Variants in PRKG1 observed in about 807,000 individuals in gnomAD.
PRKG1 encodes protein kinase cGMP-dependent 1.
In PRKG1, 35 loss-of-function variants were observed where a neutral mutation model predicts 88.1. That is an observed-to-expected ratio of 0.40 (90% CI 0.30 to 0.53). The LOEUF (loss-of-function observed/expected upper bound fraction) is 0.53. Ranked by LOEUF, PRKG1 falls within the 20% of genes least tolerant of loss-of-function variation. The pLI is 0.59. For missense variants in PRKG1, 540 were observed against 839.8 expected (o/e 0.64, Z 4.41); for synonymous variants, 303 against 292.5 (o/e 1.04, Z -0.37).
At chr10:51,691,372 A>ATCCC (rs1176143499) in intron 3 of PRKG1, among the ~76,000 whole-genome samples, 1 of 148,472 alleles carries the variant, frequency 6.7e-6, no homozygotes, top group African/African-American at 2.5e-5. Context: ...CAGTGGCGAG[A>ATCCC]TCCCGGCTCA....
At chr10:51,394,554 A>G (rs924097214) in intron 2 of PRKG1, among the ~76,000 whole-genome samples, 1 of 152,214 alleles carries the variant, frequency 6.6e-6, no homozygotes, top group African/African-American at 2.4e-5. Context: ...CCAACTCCCA[A>G]TGGAGAGAGT....
intron 12 of PRKG1, among the ~76,000 whole-genome samples, chr10:52,273,522 T>A (rs908602334): frequency 1.3e-5 from 2 of 152,102 alleles, no homozygotes; most frequent in African/African-American, 4.8e-5. Context: ...TGGTTCCTTA[T>A]GAACTGTTGA....
At chr10:52,044,145 C>T (rs1845812808) in intron 5 of PRKG1, among the ~76,000 whole-genome samples, 1 of 152,042 alleles carries the variant, frequency 6.6e-6, no homozygotes, top group Non-Finnish European at 1.5e-5. Context: ...AAGAAAGAAA[C>T]CAGCAGTGCC....
intron 3 of PRKG1, among the ~76,000 whole-genome samples, chr10:51,589,169 ATTG>A (rs1838246292): frequency 6.6e-6 from 1 of 152,142 alleles, no homozygotes; most frequent in African/African-American, 2.4e-5. Flanking sequence ...TACTCAGTCA[ATTG>A]TTGTGTTAAC....
At chr10:51,386,047 AT>A (rs1837240706) in intron 2 of PRKG1, among the ~76,000 whole-genome samples, 1 of 152,142 alleles carries the variant, frequency 6.6e-6, no homozygotes, top group Non-Finnish European at 1.5e-5. Context: ...TAAAAGTTAA[AT>A]TTACTAAAAA....
At chr10:51,766,995 T>C (rs986677236) in intron 3 of PRKG1, among the ~76,000 whole-genome samples, 1 of 152,188 alleles carries the variant, frequency 6.6e-6, no homozygotes, top group African/African-American at 2.4e-5. Context: ...TGACTGATTG[T>C]TGTGTTTTTC....
chr10:51,939,000 A>T (rs1244415374), intron 5 of PRKG1, among the ~76,000 whole-genome samples: 1 of 152,070 alleles, frequency 6.6e-6, no homozygotes, highest in African/African-American at 2.4e-5. Context: ...AATGAATTTT[A>T]TAGTGTATGA....
intron 3 of PRKG1, among the ~76,000 whole-genome samples, chr10:51,598,338 A>G (rs1564567060): frequency 6.6e-6 from 1 of 152,170 alleles, no homozygotes; most frequent in Non-Finnish European, 1.5e-5. Flanking sequence ...CAATGTTATG[A>G]TATCAGCCCA....
intron 3 of PRKG1, among the ~76,000 whole-genome samples, chr10:51,567,120 T>C (rs1465714071): frequency 6.6e-6 from 1 of 152,122 alleles, no homozygotes; most frequent in Non-Finnish European, 1.5e-5. Context: ...ATACTATACA[T>C]AACTTGAGGA....
chr10:51,805,440 C>T (rs754894148), intron 4 of PRKG1, among the ~76,000 whole-genome samples: 20 of 151,962 alleles, frequency 1.3e-4, no homozygotes, highest in Non-Finnish European at 2.5e-4. Flanking sequence ...ATTGACAATT[C>T]TCATGACTTT....
At chr10:51,538,167 CAAT>C (rs1318563782) in intron 3 of PRKG1, among the ~76,000 whole-genome samples, 1 of 152,016 alleles carries the variant, frequency 6.6e-6, no homozygotes, top group African/African-American at 2.4e-5. Context: ...ACTGTTCAAA[CAAT>C]AATGTGTTTG....
chr10:52,095,550 C>G (rs371953663), intron 7 of PRKG1, among the ~76,000 whole-genome samples: 2 of 152,070 alleles, frequency 1.3e-5, no homozygotes, highest in Non-Finnish European at 2.9e-5. Context: ...TCTTTGTCTC[C>G]TTTGTTTATT....
intron 8 of PRKG1, among the ~76,000 whole-genome samples, chr10:52,151,380 C>A (rs1188578678): frequency 6.6e-6 from 1 of 152,010 alleles, no homozygotes; most frequent in South Asian, 2.1e-4. Flanking sequence ...CTACATAATT[C>A]TATCACAAAA....
chr10:51,762,761 C>G (rs957855575), intron 3 of PRKG1, among the ~76,000 whole-genome samples: 1 of 152,122 alleles, frequency 6.6e-6, no homozygotes, highest in Non-Finnish European at 1.5e-5. Flanking sequence ...TTTAGTCTCC[C>G]CCTCAAAGAA....
At position 51,467,714 on chromosome 10, in the gene PRKG1, C is replaced by G; in HGVS notation, c.479-9C>G. On this transcript the variant is annotated splice_polypyrimidine_tract_variant and intron_variant, in intron 2 of 17. Transcript: ENST00000373980. ...TTTATATAACATGTTTTTCCCTCCT[C>G]CTTTTTAGATGGTAAGGTTGAAGTT... 1.9e-6 allele frequency: 3 copies of G among 1,596,418 alleles called. No individual in the cohort carries two copies. The highest frequency in any genetic ancestry group is 2.6e-6 in the Non-Finnish European group (3 of 1,165,036).
intron 3 of PRKG1, among the ~76,000 whole-genome samples, chr10:51,685,381 T>A (rs1002300318): frequency 1.3e-5 from 2 of 152,210 alleles, no homozygotes; most frequent in African/African-American, 4.8e-5. Context: ...GCTGTTTGTA[T>A]GTTATTTATG....
intron 3 of PRKG1, among the ~76,000 whole-genome samples, chr10:51,584,648 T>C (rs1339221721): frequency 6.6e-6 from 1 of 152,054 alleles, no homozygotes; most frequent in Admixed American, 6.6e-5. Flanking sequence ...ACAAATTGTT[T>C]CTGAGTACCT....
At chr10:51,490,366 T>C (rs1291261452) in intron 3 of PRKG1, among the ~76,000 whole-genome samples, 1 of 152,140 alleles carries the variant, frequency 6.6e-6, no homozygotes, top group Non-Finnish European at 1.5e-5. Context: ...CGTACTATAA[T>C]GCAGCAACAT....
intron 4 of PRKG1, among the ~76,000 whole-genome samples, chr10:51,898,966 G>A (rs1160201781): frequency 6.6e-6 from 1 of 152,122 alleles, no homozygotes; most frequent in African/African-American, 2.4e-5. Context: ...TAAGAAAGTA[G>A]TGAGAGAGAA....
Sources: gnomAD v4.1 joint callset for allele counts (sites outside exome capture counted in the v4.1 genomes callset) on GRCh38, gnomAD v4.1.1 for gene constraint, MANE v1.5 for transcripts, NCBI Gene and HGNC (gene_info 2026-07-23, HGNC 2026-07-21) for gene names.